Variants in ARHGAP28 observed in about 807,000 individuals in gnomAD.
ARHGAP28 encodes rho GTPase-activating protein 28.
Under a neutral mutation model 90.7 loss-of-function variants are expected in ARHGAP28, and 56 were observed. The ratio of observed to expected loss-of-function variants is 0.62; its 90% CI spans 0.50 to 0.77. The LOEUF is 0.77. Among genes scored for constraint, ARHGAP28 ranks in the 30% least tolerant of loss-of-function variants. ARHGAP28 has a pLI of 0.00. For missense variants in ARHGAP28, 869 were observed against 900.9 expected (o/e 0.96, Z 0.45); for synonymous variants, 308 against 323.3 (o/e 0.95, Z 0.51).
In ARHGAP28 at chr18:6,910,711, T is replaced by C. The variant is rs8098841; in HGVS notation, c.2096-1349T>C. Among the ~76,000 whole-genome samples the C allele has an allele frequency of 4.3e-3, 655 of 152,302 alleles. 4 individuals are homozygous for C. Among genetic ancestry groups the C allele is most frequent in the African/African-American group, 0.015 (623 of 41,558 alleles). ...TGTTTGTTTGTTAGTTGCCTTGTGC[T>C]GCTCTTAGACATGGCTGTAAACCCA... On this transcript the variant is annotated intron_variant, in intron 17 of 17. Transcript: ENST00000383472.
At chr18:6,892,200 A>G (rs549063851) in intron 14 of ARHGAP28, among the ~76,000 whole-genome samples, 35 of 152,274 alleles carry the variant, frequency 2.3e-4, no homozygotes, top group African/African-American at 6.7e-4. Context: ...TATATTCACG[A>G]TGTCCTGCAA....
chr18:6,783,483 T>C (rs1416277280), intron 1 of ARHGAP28, among the ~76,000 whole-genome samples: 1 of 141,560 alleles, frequency 7.1e-6, no homozygotes, highest in Non-Finnish European at 1.5e-5. Context: ...GTATTTTTAG[T>C]AGAGACGGGG....
chr18:6,736,411 A>AT (rs1027625339), intron 1 of ARHGAP28, among the ~76,000 whole-genome samples: 13 of 151,284 alleles, frequency 8.6e-5, no homozygotes, highest in Admixed American at 3.3e-4. Context: ...AATTTCTGTG[A>AT]TTTTTTGGAA....
chr18:6,885,324 T>TA (rs2057211665), intron 11 of ARHGAP28, among the ~76,000 whole-genome samples: 1 of 152,168 alleles, frequency 6.6e-6, no homozygotes, highest in African/African-American at 2.4e-5. Flanking sequence ...GCCACCTAAG[T>TA]AAGCTCTAGT....
At chr18:6,898,233 A>C (rs562498618) in intron 16 of ARHGAP28, 7 of 394,352 alleles carry the variant, frequency 1.8e-5, no homozygotes, top group African/African-American at 1.2e-4. Context: ...GGTGTAGTGG[A>C]AGGTAGGGGG....
At chr18:6,896,372 G>T in intron 15 of ARHGAP28, 130 bp from the exon 16 acceptor site, 1 of 1,081,714 alleles carries the variant, frequency 9.2e-7, no homozygotes, top group Non-Finnish European at 1.3e-6. Context: ...TTCCATTCTG[G>T]TTAATGTTGA....
intron 1 of ARHGAP28, among the ~76,000 whole-genome samples, chr18:6,821,654 T>A (rs2143752381): frequency 6.6e-6 from 1 of 152,330 alleles, no homozygotes; most frequent in Admixed American, 6.5e-5. Flanking sequence ...AAATGCTGTC[T>A]GACTTCTTTG....
chr18:6,893,393 C>T (rs988184377), intron 14 of ARHGAP28, among the ~76,000 whole-genome samples: 9 of 152,324 alleles, frequency 5.9e-5, no homozygotes, highest in African/African-American at 2.2e-4. Context: ...CTTCCTCTTA[C>T]TTAAGCACTC....
intron 5 of ARHGAP28, among the ~76,000 whole-genome samples, chr18:6,864,698 T>G (rs1157057229): frequency 6.6e-6 from 1 of 152,138 alleles, no homozygotes; most frequent in Non-Finnish European, 1.5e-5. Flanking sequence ...TATTTATTTA[T>G]TTTTGAGAGA....
At chr18:6,835,132 T>C (rs1470140127) in intron 2 of ARHGAP28, among the ~76,000 whole-genome samples, 2 of 152,186 alleles carry the variant, frequency 1.3e-5, no homozygotes, top group East Asian at 3.9e-4. Flanking sequence ...CTACTTAGGC[T>C]GCAGTTTAAG....
At chr18:6,738,800 C>G (rs2055950512) in intron 1 of ARHGAP28, among the ~76,000 whole-genome samples, 1 of 152,078 alleles carries the variant, frequency 6.6e-6, no homozygotes, top group Non-Finnish European at 1.5e-5. Context: ...TAAACGCAGT[C>G]AAAGAAGTGA....
At chr18:6,889,296 C>G (rs919676687) in intron 12 of ARHGAP28, among the ~76,000 whole-genome samples, 1 of 152,018 alleles carries the variant, frequency 6.6e-6, no homozygotes, top group Non-Finnish European at 1.5e-5. Flanking sequence ...AAGACCTGCA[C>G]ACAAACATTT....
At chr18:6,835,038 G>A (rs1437057432) in intron 2 of ARHGAP28, among the ~76,000 whole-genome samples, 2 of 152,184 alleles carry the variant, frequency 1.3e-5, no homozygotes, top group Admixed American at 6.5e-5. Context: ...TTGAAGTTAT[G>A]TATTTGACAA....
At chr18:6,743,543 A>G (rs1319742133) in intron 1 of ARHGAP28, among the ~76,000 whole-genome samples, 2 of 152,216 alleles carry the variant, frequency 1.3e-5, no homozygotes, top group African/African-American at 4.8e-5. Flanking sequence ...GAGAGAGAAA[A>G]TACACTAAAT....
At chr18:6,740,109 C>A (rs1467620237) in intron 1 of ARHGAP28, among the ~76,000 whole-genome samples, 1 of 152,204 alleles carries the variant, frequency 6.6e-6, no homozygotes, top group Non-Finnish European at 1.5e-5. Context: ...CTGCCTTGGC[C>A]TCCCAAAGTG....
At chr18:6,767,312 C>T (rs1283137562) in intron 1 of ARHGAP28, among the ~76,000 whole-genome samples, 1 of 152,046 alleles carries the variant, frequency 6.6e-6, no homozygotes, top group African/African-American at 2.4e-5. Flanking sequence ...CCTTAAAATA[C>T]ATTATCATTT....
At chr18:6,871,094 A>G (rs2057084746) in intron 7 of ARHGAP28, among the ~76,000 whole-genome samples, 1 of 151,900 alleles carries the variant, frequency 6.6e-6, no homozygotes, top group African/African-American at 2.4e-5. Flanking sequence ...GCCGCCGTGC[A>G]TGGCCAAGAT....
intron 16 of ARHGAP28, among the ~76,000 whole-genome samples, chr18:6,901,540 T>TA (rs57305269): frequency 0.035 from 4,570 of 132,450 alleles, 82 homozygotes; most frequent in Non-Finnish European, 0.041. Context: ...CTTGATATGA[T>TA]AAAAAAAAAA....
intron 1 of ARHGAP28, among the ~76,000 whole-genome samples, chr18:6,758,136 A>G (rs1056196454): frequency 5.9e-5 from 9 of 152,242 alleles, no homozygotes; most frequent in Non-Finnish European, 1.2e-4. Flanking sequence ...GTGTCACTGC[A>G]TGGAGTTGTA....
Sources: gnomAD v4.1 joint callset for allele counts (sites outside exome capture counted in the v4.1 genomes callset) on GRCh38, gnomAD v4.1.1 for gene constraint, MANE v1.5 for transcripts, NCBI Gene and HGNC (gene_info 2026-07-23, HGNC 2026-07-21) for gene names.